The following SPMIP7 variants were observed in gnomAD, a reference collection of about 807,000 sequenced individuals.
The protein encoded by SPMIP7 is sperm microtubule inner protein 7, also known as protein SPMIP7.
chr7:50,096,085 C>A, the SPMIP7 span: 1 of 1,465,036 alleles, frequency 6.8e-7, no homozygotes, highest in Non-Finnish European at 9.0e-7. Context: ...AGAAAAAGGC[C>A]ATGGATGTAG....
chr7:50,102,707 CATT>C, the SPMIP7 span, among the ~76,000 whole-genome samples: 6 of 152,118 alleles, frequency 3.9e-5, no homozygotes, highest in Non-Finnish European at 7.4e-5. Flanking sequence ...CAATCATCAT[CATT>C]ATCATCATCA....
chr7:50,129,954 G>A, the SPMIP7 span, among the ~76,000 whole-genome samples: 10 of 152,086 alleles, frequency 6.6e-5, no homozygotes, highest in African/African-American at 9.7e-5. Context: ...AACATTGAAG[G>A]AAGAGTCTTA....
At chr7:50,129,811 T>G in the SPMIP7 span, 1 of 1,493,018 alleles carries the variant, frequency 6.7e-7, no homozygotes, top group Non-Finnish European at 9.1e-7. Flanking sequence ...GTTTTCCCAG[T>G]GGAATTTTGA....
the SPMIP7 span, among the ~76,000 whole-genome samples, chr7:50,099,082 G>A: frequency 1.3e-5 from 2 of 152,062 alleles, no homozygotes; most frequent in African/African-American, 2.4e-5. Flanking sequence ...TCACTTAAGC[G>A]AAATCACATA....
chr7:50,142,932 A>C, the SPMIP7 span: 1 of 152,232 alleles, frequency 6.6e-6, no homozygotes, highest in Non-Finnish European at 1.5e-5. Context: ...AATATAAACA[A>C]TATGATGTCA....
chr7:50,103,693 T>C, the SPMIP7 span, among the ~76,000 whole-genome samples: 2 of 152,238 alleles, frequency 1.3e-5, no homozygotes, highest in African/African-American at 4.8e-5. Flanking sequence ...AGTGTTATCT[T>C]TGGGGAGATG....
At chr7:50,131,302 C>T in the SPMIP7 span, among the ~76,000 whole-genome samples, 1 of 152,110 alleles carries the variant, frequency 6.6e-6, no homozygotes, top group Non-Finnish European at 1.5e-5. Flanking sequence ...AAGGCTTTGG[C>T]CTATGCAGCT....
chr7:50,138,135 T>A, the SPMIP7 span, among the ~76,000 whole-genome samples: 2 of 152,200 alleles, frequency 1.3e-5, no homozygotes, highest in African/African-American at 4.8e-5. Flanking sequence ...ATTTTGCTTT[T>A]CACATTTATT....
At chr7:50,113,194 G>C in the SPMIP7 span, among the ~76,000 whole-genome samples, 1 of 152,044 alleles carries the variant, frequency 6.6e-6, no homozygotes, top group African/African-American at 2.4e-5. Flanking sequence ...GCATCCGACT[G>C]ATTCCAATTA....
the SPMIP7 span, among the ~76,000 whole-genome samples, chr7:50,145,088 C>A: frequency 6.6e-6 from 1 of 151,572 alleles, no homozygotes; most frequent in Non-Finnish European, 1.5e-5. Context: ...ATGGTGAAAC[C>A]CCATCTCTAC....
the SPMIP7 span, among the ~76,000 whole-genome samples, chr7:50,133,209 A>C: frequency 6.8e-6 from 1 of 146,946 alleles, no homozygotes; most frequent in Non-Finnish European, 1.5e-5. Context: ...AAAACTCCAA[A>C]GATCCCCATA....
At chr7:50,125,273 TAC>T in the SPMIP7 span, among the ~76,000 whole-genome samples, 59 of 131,080 alleles carry the variant, frequency 4.5e-4, 3 homozygotes, top group African/African-American at 1.7e-3. Flanking sequence ...CACATATATA[TAC>T]ACATATATAC....
the SPMIP7 span, among the ~76,000 whole-genome samples, chr7:50,105,446 C>G: frequency 6.6e-6 from 1 of 152,118 alleles, no homozygotes; most frequent in African/African-American, 2.4e-5. Context: ...TGAGAATTTA[C>G]CTGTATAGTG....
chr7:50,150,514 T>A, the SPMIP7 span, among the ~76,000 whole-genome samples: 5 of 152,338 alleles, frequency 3.3e-5, no homozygotes, highest in East Asian at 9.6e-4. Flanking sequence ...AGCCTCATGA[T>A]CTGTAAATGT....
the SPMIP7 span, chr7:50,158,929 T>G: frequency 1.0e-6 from 1 of 1,003,102 alleles, no homozygotes; most frequent in Non-Finnish European, 1.5e-6. Context: ...GCTCCCTGCC[T>G]GCAGTGCGCG....
the SPMIP7 span, chr7:50,120,420 A>T: frequency 6.6e-6 from 1 of 152,232 alleles, no homozygotes; most frequent in Non-Finnish European, 1.5e-5. Flanking sequence ...AAAAAAGGTC[A>T]TGTTCAGCAA....
At chr7:50,136,516 G>A in the SPMIP7 span, among the ~76,000 whole-genome samples, 3 of 152,142 alleles carry the variant, frequency 2.0e-5, no homozygotes, top group Non-Finnish European at 4.4e-5. Flanking sequence ...GGTGATGAGC[G>A]AGACTCATCT....
At chr7:50,134,839 A>C in the SPMIP7 span, among the ~76,000 whole-genome samples, 1 of 152,314 alleles carries the variant, frequency 6.6e-6, no homozygotes, top group African/African-American at 2.4e-5. Flanking sequence ...GTAATGTGTG[A>C]ATCTGTTTGT....
chr7:50,146,126 A>C, the SPMIP7 span, among the ~76,000 whole-genome samples: 3 of 152,196 alleles, frequency 2.0e-5, no homozygotes, highest in Non-Finnish European at 4.4e-5. Flanking sequence ...AGTTCCTTAG[A>C]TCAGCCCAAT....
Sources: gnomAD v4.1 joint callset for allele counts (sites outside exome capture counted in the v4.1 genomes callset) on GRCh38, gnomAD v4.1.1 for gene constraint, MANE v1.5 for transcripts, NCBI Gene and HGNC (gene_info 2026-07-23, HGNC 2026-07-21) for gene names.